Variants in KL observed in about 807,000 individuals in gnomAD.
KL encodes klotho.
KL carries 62 observed loss-of-function variants against 84.2 expected under a neutral mutation model. That is an observed-to-expected ratio of 0.74 (90% CI 0.60 to 0.91). The LOEUF is 0.91. Among genes scored for constraint, KL ranks in the 40% least tolerant of loss-of-function variants. The pLI, the probability that KL is intolerant of heterozygous loss-of-function variation, is 0.00. For missense variants in KL, 1,261 were observed against 1,305.7 expected (o/e 0.97, Z 0.53); for synonymous variants, 528 against 528.0 (o/e 1.00, Z 0.00).
intron 1 of KL, among the ~76,000 whole-genome samples, chr13:33,050,664 A>G (rs534192298): frequency 1.3e-5 from 2 of 152,322 alleles, no homozygotes; most frequent in African/African-American, 4.8e-5. Context: ...TTTCTTAGAG[A>G]CGGTGCCATG....
chr13:33,043,181 T>C (rs187797613), intron 1 of KL, among the ~76,000 whole-genome samples: 1 of 152,262 alleles, frequency 6.6e-6, no homozygotes, highest in African/African-American at 2.4e-5. Context: ...ACCATCAATG[T>C]ATGAAATTTC....
chr13:33,035,438 T>C (rs993189985), intron 1 of KL, among the ~76,000 whole-genome samples: 1 of 152,212 alleles, frequency 6.6e-6, no homozygotes, highest in Non-Finnish European at 1.5e-5. Flanking sequence ...TTGTTGATAT[T>C]GGAGAGTAGC....
chr13:33,055,984 A>T (rs1871942125), intron 3 of KL, among the ~76,000 whole-genome samples: 2 of 152,090 alleles, frequency 1.3e-5, no homozygotes, highest in African/African-American at 4.8e-5. Context: ...CACTTATTGG[A>T]TGTCTAGTGT....
chr13:33,046,936 C>A (rs11840745), intron 1 of KL, among the ~76,000 whole-genome samples: 3 of 152,038 alleles, frequency 2.0e-5, no homozygotes, highest in Admixed American at 6.6e-5. Flanking sequence ...ACAATTTCCA[C>A]GTATTTGTGA....
chr13:33,033,552 C>T (rs1378211249), intron 1 of KL, among the ~76,000 whole-genome samples: 1 of 152,102 alleles, frequency 6.6e-6, no homozygotes, highest in Non-Finnish European at 1.5e-5. Context: ...TTCTCCCTGC[C>T]TGGAAGGTTC....
At position 33,061,405 on chromosome 13, in the gene KL, G is replaced by A. The variant is rs780787222; in HGVS notation, c.2326G>A (p.Asp776Asn). The A allele has an allele frequency of 1.2e-6, 2 of 1,614,180 alleles. No homozygotes were observed. Among genetic ancestry groups the A allele is most frequent in the Admixed American group, 1.7e-5 (1 of 60,026 alleles). ...TGGAGATTATCCATGGGTGATGAGG[G>A]ACTGGCTGAACCAAAGAAACAATTT... ...GSGDYPWVMR[D>N]WLNQRNNFLL... Residue 776 changes from aspartate (D) to asparagine (N), a missense_variant, in exon 4 of 5, where the codon GAC (aspartate) becomes AAC (asparagine). Transcript: ENST00000380099.
intron 1 of KL, among the ~76,000 whole-genome samples, chr13:33,027,195 A>G (rs1870809427): frequency 6.6e-6 from 1 of 152,174 alleles, no homozygotes; most frequent in South Asian, 2.1e-4. Flanking sequence ...GGGATATAGT[A>G]TCTTTTCTTC....
At chr13:33,042,823 A>T (rs1211787920) in intron 1 of KL, among the ~76,000 whole-genome samples, 1 of 152,122 alleles carries the variant, frequency 6.6e-6, no homozygotes, top group African/African-American at 2.4e-5. Context: ...CTGGGATTAC[A>T]GGCATGTGCC....
rs1311137671 is a variant in KL, at chr13:33,055,294, A to G, written c.1578A>G (p.Gly526=). The G allele has an allele frequency of 1.9e-6, 3 of 1,614,174 alleles. No individual in the cohort carries two copies. Among genetic ancestry groups the G allele is most frequent in the Non-Finnish European group, 2.5e-6 (3 of 1,180,018 alleles). The part of the protein sequence containing the change: ...EGTFPCDFAW[G]VVDNYIQVDT... ...CATTTCCCTGTGACTTTGCTTGGGG[A>G]GTTGTTGACAACTACATTCAAGTAA... Residue 526 remains glycine, a synonymous_variant, in exon 3 of 5, where the codon GGA becomes GGG. Coordinates refer to ENST00000380099, the MANE Select transcript of KL (RefSeq NM_004795.4).
intron 4 of KL, 42 bp from the exon 5 acceptor site, chr13:33,063,807 A>C (rs1872301317): frequency 6.4e-7 from 1 of 1,561,288 alleles, no homozygotes; most frequent in Admixed American, 1.7e-5. Flanking sequence ...TGTTGTGTGC[A>C]AAATACGTAA....
rs751229348 is a variant in KL at position 33,060,890 on chromosome 13, C to A, written c.1811C>A (p.Pro604His). 6 of 1,614,100 alleles carry A rather than the reference C, an allele frequency of 3.7e-6. No individual in the cohort carries two copies. In the African/African-American group the frequency reaches 8.0e-5, roughly 22 times the overall value. The part of the protein sequence containing the change: ...RFSLDWALIL[P>H]LGNQSQVNHT... Reference sequence around the variant, plus strand: ...TCCCTGGACTGGGCCCTGATTCTCCCTCTGGGTAACCAGTCCCAGGTGAAC... The same window carrying A: ...TCCCTGGACTGGGCCCTGATTCTCCATCTGGGTAACCAGTCCCAGGTGAAC... Residue 604 changes from proline to histidine, a missense_variant, in exon 4 of 5, where the codon CCT becomes CAT. By Grantham distance (77) the Pro-to-His change is moderately conservative (BLOSUM62 -2). Coordinates refer to ENST00000380099, the MANE Select transcript of KL (RefSeq NM_004795.4).
At chr13:33,044,635 ATTTTC>A (rs1566504411) in intron 1 of KL, among the ~76,000 whole-genome samples, 9 of 72,282 alleles carry the variant, frequency 1.2e-4, no homozygotes, top group African/African-American at 2.1e-4. Flanking sequence ...AATGCAATTG[ATTTTC>A]TTTTTTTTTT....
At chr13:33,057,693 C>T (rs1872017910) in intron 3 of KL, among the ~76,000 whole-genome samples, 1 of 152,142 alleles carries the variant, frequency 6.6e-6, no homozygotes, top group Non-Finnish European at 1.5e-5. Context: ...TCTGGAAGCT[C>T]CCTGGTGGGG....
chr13:33,063,770 C>A, intron 4 of KL, 79 bp from the exon 5 acceptor site: 4 of 1,235,698 alleles, frequency 3.2e-6, no homozygotes, highest in Non-Finnish European at 4.7e-6. Flanking sequence ...GAGCAAGACT[C>A]CGTCTCAAAA....
intron 1 of KL, among the ~76,000 whole-genome samples, chr13:33,036,930 G>T (rs1431756835): frequency 6.6e-6 from 1 of 152,112 alleles, no homozygotes; most frequent in Non-Finnish European, 1.5e-5. Context: ...GATTTCTAAA[G>T]GAGATCTAAT....
intron 1 of KL, among the ~76,000 whole-genome samples, chr13:33,048,050 T>C (rs1871602498): frequency 6.6e-6 from 1 of 152,218 alleles, no homozygotes; most frequent in Non-Finnish European, 1.5e-5. Flanking sequence ...CTTAAAAATA[T>C]TTATAATAGC....
At chr13:33,039,586 G>A (rs1390438555) in intron 1 of KL, among the ~76,000 whole-genome samples, 2 of 152,108 alleles carry the variant, frequency 1.3e-5, no homozygotes, top group Non-Finnish European at 2.9e-5. Flanking sequence ...GACTTCACAG[G>A]GGAGATGGGA....
intron 1 of KL, among the ~76,000 whole-genome samples, chr13:33,043,304 C>T (rs1871404366): frequency 6.6e-6 from 1 of 151,426 alleles, no homozygotes; most frequent in South Asian, 2.1e-4. Context: ...ACTGCAACCT[C>T]TGCCTCCCAG....
Position 33,053,880 on chromosome 13 carries a change from C to A in KL, c.933C>A (p.His311Gln). The A allele has an allele frequency of 6.2e-7, 1 of 1,614,196 alleles. No individual in the cohort carries two copies. Among genetic ancestry groups the A allele is most frequent in the South Asian group, 1.1e-5 (1 of 91,084 alleles). Residue 311 changes from histidine to glutamine, a missense_variant, in exon 2 of 5, where the codon CAC becomes CAA. By Grantham distance (24) the His-to-Gln change is conservative (BLOSUM62 0). Transcript: ENST00000380099. ...HWINPRRMTD[H>Q]SIKECQKSLD... ...TCAATCCTCGAAGAATGACCGACCA[C>A]AGCATCAAAGAATGTCAAAAATCTC...
Sources: gnomAD v4.1 joint callset for allele counts (sites outside exome capture counted in the v4.1 genomes callset) on GRCh38, gnomAD v4.1.1 for gene constraint, MANE v1.5 for transcripts, NCBI Gene and HGNC (gene_info 2026-07-23, HGNC 2026-07-21) for gene names.